SLX4IP: variants seen among roughly 807,000 people sequenced by gnomAD.
SLX4IP encodes the protein SLX4 interacting protein.
Under a neutral mutation model 32.9 loss-of-function variants are expected in SLX4IP, and 34 were observed. The observed-to-expected ratio is 1.03, with a 90% CI of 0.79 to 1.38. The LOEUF (loss-of-function observed/expected upper bound fraction) is 1.38, where lower values mean the gene tolerates loss of function less well. Ranked by LOEUF, SLX4IP falls within the 40% of genes most tolerant of loss-of-function variation. The pLI is 0.00. For missense variants in SLX4IP, 444 were observed against 479.0 expected, an observed-to-expected ratio of 0.93 and a Z score of 0.68; for synonymous variants, 172 against 171.7, an observed-to-expected ratio of 1.00 and a Z score of -0.01.
chr20:10,545,738 G>A (rs2066156765), intron 2 of SLX4IP, among the ~76,000 whole-genome samples: 2 of 152,252 alleles, frequency 1.3e-5, no homozygotes, highest in East Asian at 1.9e-4. Context: ...ATTTATCAAA[G>A]ACACTTTGGT....
At chr20:10,621,932 A>C (rs187263025) in intron 7 of SLX4IP, among the ~76,000 whole-genome samples, 514 of 152,278 alleles carry the variant, frequency 3.4e-3, no homozygotes, top group South Asian at 0.025. Flanking sequence ...TTTAGTCTCT[A>C]ATTCTCCCTG....
intron 5 of SLX4IP, among the ~76,000 whole-genome samples, chr20:10,601,174 C>T (rs753430934): frequency 1.0e-3 from 156 of 152,240 alleles, no homozygotes; most frequent in Admixed American, 1.7e-3. Context: ...TATATTTAAC[C>T]ATTTTCTTAA....
chr20:10,460,196 G>A (rs942861508), intron 2 of SLX4IP, among the ~76,000 whole-genome samples: 1 of 152,138 alleles, frequency 6.6e-6, no homozygotes, highest in Non-Finnish European at 1.5e-5. Context: ...AGAATTCTAG[G>A]TTGAGCATTA....
chr20:10,617,154 G>A (rs1425596424), intron 6 of SLX4IP, among the ~76,000 whole-genome samples: 1 of 152,212 alleles, frequency 6.6e-6, no homozygotes, highest in Non-Finnish European at 1.5e-5. Context: ...GGGATAAATG[G>A]ACCACACTTT....
At chr20:10,594,004 TGTC>T (rs1394651126) in intron 4 of SLX4IP, among the ~76,000 whole-genome samples, 2 of 152,206 alleles carry the variant, frequency 1.3e-5, no homozygotes, top group Non-Finnish European at 2.9e-5. Flanking sequence ...GTAATAATAG[TGTC>T]GTGGTGATGA....
chr20:10,567,060 C>T (rs573447698), intron 4 of SLX4IP, among the ~76,000 whole-genome samples: 89 of 152,306 alleles, frequency 5.8e-4, no homozygotes, highest in African/African-American at 2.0e-3. Context: ...GGGCATTTGG[C>T]AGAGCTCAGT....
At chr20:10,599,824 TA>T (rs1317678652) in intron 5 of SLX4IP, among the ~76,000 whole-genome samples, 1 of 152,182 alleles carries the variant, frequency 6.6e-6, no homozygotes, top group Non-Finnish European at 1.5e-5. Flanking sequence ...AATTAAATAT[TA>T]AAATAGTACA....
At chr20:10,473,123 GA>G (rs1250922493) in intron 2 of SLX4IP, among the ~76,000 whole-genome samples, 1 of 152,158 alleles carries the variant, frequency 6.6e-6, no homozygotes, top group Non-Finnish European at 1.5e-5. Context: ...TTGTCTGGAA[GA>G]AAAAAATAGC....
At chr20:10,594,797 G>C (rs1430897352) in intron 4 of SLX4IP, among the ~76,000 whole-genome samples, 2 of 152,094 alleles carry the variant, frequency 1.3e-5, no homozygotes, top group Non-Finnish European at 2.9e-5. Context: ...ATTTCTAGTA[G>C]AGCCATTTTG....
intron 2 of SLX4IP, among the ~76,000 whole-genome samples, chr20:10,542,355 GGTTCT>G (rs1256127350): frequency 6.6e-6 from 1 of 152,044 alleles, no homozygotes; most frequent in Non-Finnish European, 1.5e-5. Context: ...TGCTTCATCT[GGTTCT>G]CTATCCCTTA....
chr20:10,571,262 C>T (rs1244943532), intron 4 of SLX4IP, among the ~76,000 whole-genome samples: 1 of 152,170 alleles, frequency 6.6e-6, no homozygotes, highest in African/African-American at 2.4e-5. Flanking sequence ...GCCAGTTGCC[C>T]AGGACCTGGA....
intron 2 of SLX4IP, among the ~76,000 whole-genome samples, chr20:10,499,922 TG>T (rs2065701159): frequency 6.6e-6 from 1 of 152,002 alleles, no homozygotes; most frequent in South Asian, 2.1e-4. Context: ...TTCAAGGAAA[TG>T]GTACATGTCA....
chr20:10,518,423 C>T (rs1568719941), intron 2 of SLX4IP, among the ~76,000 whole-genome samples: 13 of 98,656 alleles, frequency 1.3e-4, no homozygotes, highest in Non-Finnish European at 2.1e-4. Flanking sequence ...TTCCTTCCTT[C>T]CCTCCCTCCC....
At chr20:10,455,561 C>A (rs566160398) in intron 1 of SLX4IP, among the ~76,000 whole-genome samples, 1 of 151,006 alleles carries the variant, frequency 6.6e-6, no homozygotes, top group African/African-American at 2.4e-5. Context: ...CAATTTTATT[C>A]CAATTGACCT....
In SLX4IP at chr20:10,556,599, G is replaced by GAGA. The variant is rs572641671; in HGVS notation, c.117+294_117+296dup. Among the ~76,000 whole-genome samples, 73 of 152,154 alleles carry GAGA rather than the reference G, an allele frequency of 4.8e-4. No individual in the cohort carries two copies. In the South Asian group the frequency reaches 0.015, roughly 31 times the overall value. On this transcript the variant is annotated intron_variant, in intron 3 of 7. Transcript: ENST00000334534. ...AGGATTTCTATATATTCAAAAAGAGGAGAAGAAGAAGAAGAAGTTAAAGTG... is the reference window on the plus strand; with the variant it reads ...AGGATTTCTATATATTCAAAAAGAGGAGAAGAAGAAGAAGAAGAAGTTAAAGTG...
chr20:10,461,348 G>A (rs1454945401), intron 2 of SLX4IP, among the ~76,000 whole-genome samples: 3 of 152,210 alleles, frequency 2.0e-5, no homozygotes, highest in Non-Finnish European at 4.4e-5. Flanking sequence ...AGTGATGCCT[G>A]CAAGGCTTGG....
At chr20:10,516,189 CG>C (rs2065848008) in intron 2 of SLX4IP, among the ~76,000 whole-genome samples, 1 of 152,146 alleles carries the variant, frequency 6.6e-6, no homozygotes, top group Non-Finnish European at 1.5e-5. Context: ...TGCCTGGCCT[CG>C]TGAGGCTATT....
intron 1 of SLX4IP, among the ~76,000 whole-genome samples, chr20:10,447,813 GC>G (rs1350602794): frequency 2.0e-5 from 3 of 151,256 alleles, no homozygotes; most frequent in East Asian, 3.9e-4. Flanking sequence ...TGATCCTCCT[GC>G]CTCAGTTTCC....
intron 1 of SLX4IP, among the ~76,000 whole-genome samples, chr20:10,457,837 T>G (rs931123324): frequency 1.3e-5 from 2 of 151,676 alleles, no homozygotes; most frequent in African/African-American, 4.9e-5. Flanking sequence ...TGTGCTTTTC[T>G]CTCTTTTTTT....
Sources: allele counts gnomAD v4.1 joint callset (sites outside exome capture counted in the v4.1 genomes callset), GRCh38; gene constraint gnomAD v4.1.1; transcripts MANE v1.5; gene names NCBI Gene and HGNC (gene_info 2026-07-23, HGNC 2026-07-21).